Variants in PIEZO2 observed in about 807,000 individuals in gnomAD.
PIEZO2 encodes piezo-type mechanosensitive ion channel component 2.
PIEZO2 carries 172 observed loss-of-function variants against 337.3 expected under a neutral mutation model. The ratio of observed to expected loss-of-function variants is 0.51; its 90% CI spans 0.45 to 0.58. The LOEUF is 0.58. Among genes scored for constraint, PIEZO2 ranks in the 20% least tolerant of loss-of-function variants. The pLI, the probability that PIEZO2 is intolerant of heterozygous loss-of-function variation, is 0.00. For missense variants in PIEZO2, 3,028 were observed against 3,391.3 expected (o/e 0.89, Z 2.66); for synonymous variants, 1,251 against 1,228.5 (o/e 1.02, Z -0.38).
At chr18:11,114,836 T>G (rs2039841535) in intron 1 of PIEZO2, among the ~76,000 whole-genome samples, 1 of 152,060 alleles carries the variant, frequency 6.6e-6, no homozygotes, top group Non-Finnish European at 1.5e-5. Context: ...AATCATCAAA[T>G]AAACACACAG....
In PIEZO2 at chr18:10,670,716, C is replaced by A. The variant is rs965110381; in HGVS notation, c.*811G>T. Reference sequence around the variant, plus strand: ...GAGTTACAAAGTATTCTAGGTCCCACTGGGTTGGTCTTTTTACTCTTCTGC... The same window carrying A: ...GAGTTACAAAGTATTCTAGGTCCCAATGGGTTGGTCTTTTTACTCTTCTGC... On this transcript the variant is annotated 3_prime_UTR_variant, in exon 56 of 56. Transcript: ENST00000674853. 4.6e-5 allele frequency: 7 copies of A among 152,592 alleles called. No homozygotes were observed. Among genetic ancestry groups the A allele is most frequent in the African/African-American group, 1.7e-4 (7 of 41,436 alleles). The allele number at this position is 152,592 out of a possible 1,614,324, so 9.5% of individuals were successfully genotyped here.
intron 2 of PIEZO2, among the ~76,000 whole-genome samples, chr18:11,024,973 ATG>A (rs2036484005): frequency 2.0e-5 from 3 of 151,444 alleles, no homozygotes; most frequent in Admixed American, 1.3e-4. Flanking sequence ...TATTTATAAC[ATG>A]TGATTTTGGC....
intron 3 of PIEZO2, among the ~76,000 whole-genome samples, chr18:10,975,833 A>G (rs1385728067): frequency 2.6e-5 from 4 of 152,230 alleles, no homozygotes; most frequent in African/African-American, 9.6e-5. Context: ...CTACTTGAAT[A>G]TGATCGACTT....
At chr18:11,058,844 A>G (rs2037827729) in intron 2 of PIEZO2, among the ~76,000 whole-genome samples, 2 of 152,220 alleles carry the variant, frequency 1.3e-5, no homozygotes, top group South Asian at 4.1e-4. Flanking sequence ...AGGATATTAT[A>G]CAGAAGAACT....
chr18:10,921,709 C>T (rs189455861), intron 3 of PIEZO2, among the ~76,000 whole-genome samples: 56 of 152,166 alleles, frequency 3.7e-4, no homozygotes, highest in African/African-American at 5.5e-4. Context: ...GTGAGCCGGG[C>T]GGAAAAGAGC....
Position 11,032,189 on chromosome 18 carries a change from C to G in PIEZO2, c.160+33938G>C, listed in dbSNP as rs983285820. 2.0e-5 allele frequency among the ~76,000 whole-genome samples: 3 copies of G among 152,316 alleles called. No individual in the cohort carries two copies. The highest frequency in any genetic ancestry group is 7.2e-5 in the African/African-American group (3 of 41,574). On this transcript the variant is annotated intron_variant, in intron 2 of 55. Transcript: ENST00000674853. This position sits in a 1 kb window ranked among gnomAD's most constrained non-coding sequence, Gnocchi z 4.9. ...CAAAAATGCAAAACCCAAATGAACA[C>G]AGCAGCAGAGAGCCTTATGTCTCAA...
chr18:11,136,628 A>C (rs139883164), intron 1 of PIEZO2, among the ~76,000 whole-genome samples: 52 of 152,340 alleles, frequency 3.4e-4, no homozygotes, highest in African/African-American at 1.2e-3. Flanking sequence ...TTTAGTTTGG[A>C]AACCAGTGTT....
intron 2 of PIEZO2, among the ~76,000 whole-genome samples, chr18:10,997,112 A>C (rs934540953): frequency 1.3e-5 from 2 of 152,100 alleles, no homozygotes; most frequent in African/African-American, 4.8e-5. Flanking sequence ...CCAAACTGAT[A>C]ATTGAACGGT....
chr18:10,944,607 A>G (rs1400053917), intron 3 of PIEZO2, among the ~76,000 whole-genome samples: 1 of 149,878 alleles, frequency 6.7e-6, no homozygotes, highest in Non-Finnish European at 1.5e-5. Flanking sequence ...AGACAAAGAA[A>G]ATTTCTTAAA....
At chr18:10,948,833 AAT>A (rs1451851810) in intron 3 of PIEZO2, among the ~76,000 whole-genome samples, 2 of 152,214 alleles carry the variant, frequency 1.3e-5, no homozygotes, top group Non-Finnish European at 2.9e-5. Context: ...CAGAAATACA[AAT>A]ACACAAATAC....
At chr18:11,118,771 G>A (rs1184196995) in intron 1 of PIEZO2, among the ~76,000 whole-genome samples, 1 of 149,492 alleles carries the variant, frequency 6.7e-6, no homozygotes, top group Non-Finnish European at 1.5e-5. Context: ...AAAAAAAACA[G>A]AGAGAGAGAG....
chr18:11,094,906 C>T lies in PIEZO2; in HGVS notation c.65-28684G>A, dbSNP rs2039218479. Among the ~76,000 whole-genome samples the T allele has an allele frequency of 6.6e-6, 1 of 152,220 alleles. No homozygotes were observed. The highest frequency in any genetic ancestry group is 2.1e-4 in the South Asian group (1 of 4,828). ...GCCTGACTGAAAGCCATCTGAGGAA[C>T]TCTGTCCCCTCTTCCTACAGCTCCA... On this transcript the variant is annotated intron_variant, in intron 1 of 55. Transcript: ENST00000674853. This position sits in a 1 kb window ranked among gnomAD's most constrained non-coding sequence, Gnocchi z 4.4.
chr18:10,897,626 T>G (rs1253832857), intron 4 of PIEZO2, among the ~76,000 whole-genome samples: 2 of 152,198 alleles, frequency 1.3e-5, no homozygotes, highest in African/African-American at 4.8e-5. Flanking sequence ...GTGAGTCCAT[T>G]AAACCTCTCT....
At chr18:10,714,692 T>A in intron 39 of PIEZO2, 72 bp downstream of exon 39, 1 of 1,482,322 alleles carries the variant, frequency 6.7e-7, no homozygotes, top group Middle Eastern at 1.7e-4. Context: ...CACACATTCA[T>A]TTCTTATATT....
chr18:10,745,865 C>T (rs2143697566), intron 30 of PIEZO2, among the ~76,000 whole-genome samples: 1 of 152,256 alleles, frequency 6.6e-6, no homozygotes, highest in East Asian at 1.9e-4. Context: ...TTCATGTGCC[C>T]ATGAGACCTA....
At position 10,819,230 on chromosome 18, in the gene PIEZO2, C is replaced by T. The variant is rs1216994300; in HGVS notation, c.918-11956G>A. ...AATTTAACAGTGGATTTGGATAAAA[C>T]TGGAGGCATTTGTATGATATACAGT... On this transcript the variant is annotated intron_variant, in intron 7 of 55. Coordinates refer to ENST00000674853, the MANE Select transcript of PIEZO2 (RefSeq NM_001378183.1). This position sits in a 1 kb window ranked among gnomAD's most constrained non-coding sequence, Gnocchi z 4.3. Among the ~76,000 whole-genome samples, 2 of 152,140 alleles carry T rather than the reference C, an allele frequency of 1.3e-5. No individual in the cohort carries two copies. The highest frequency in any genetic ancestry group is 4.8e-5 in the African/African-American group (2 of 41,446).
rs373748693 is a variant in PIEZO2 at position 10,759,886 on chromosome 18, G to A, written c.3474C>T (p.Asn1158=). The change falls in exon 25 of 56, where the codon AAC becomes AAT. Residue 1158 remains asparagine, a synonymous_variant. Transcript: ENST00000674853. The surrounding 1 kb of genome is among the most constrained non-coding windows in gnomAD (Gnocchi z 5.5). Reference sequence around the variant, plus strand: ...AGAAATCCATTCGCTGGCCAATGACGTTAACTGACATTAGGAAACAGGTCT... The same window carrying A: ...AGAAATCCATTCGCTGGCCAATGACATTAACTGACATTAGGAAACAGGTCT... ...GLETCFLMSV[N]VIGQRMDFYA... is the part of the protein sequence containing the mutation. 70 of 1,537,324 alleles carry A rather than the reference G, an allele frequency of 4.6e-5. No homozygotes were observed. Among genetic ancestry groups the A allele is most frequent in the East Asian group, 2.7e-4 (11 of 40,920 alleles).
intron 26 of PIEZO2, among the ~76,000 whole-genome samples, chr18:10,758,756 A>G (rs2037994395): frequency 6.6e-6 from 1 of 152,110 alleles, no homozygotes; most frequent in Non-Finnish European, 1.5e-5. Flanking sequence ...CTGTCCCCAA[A>G]GCAGAAGCCA....
At chr18:10,712,479 A>G (rs575576862) in intron 39 of PIEZO2, among the ~76,000 whole-genome samples, 4 of 152,360 alleles carry the variant, frequency 2.6e-5, no homozygotes, top group African/African-American at 9.6e-5. Context: ...TACATCTGGA[A>G]GCTTCTAAAT....
Sources: gnomAD v4.1 joint callset for allele counts (sites outside exome capture counted in the v4.1 genomes callset) on GRCh38, gnomAD v4.1.1 for gene constraint, Gnocchi (gnomAD v3.1) non-coding constraint, MANE v1.5 for transcripts, NCBI Gene and HGNC (gene_info 2026-07-23, HGNC 2026-07-21) for gene names.